The following IQCH variants were observed in gnomAD, a reference collection of about 807,000 sequenced individuals.
IQCH encodes IQ domain-containing protein H.
In IQCH, 98 loss-of-function variants were observed where a neutral mutation model predicts 117.0. The ratio of observed to expected loss-of-function variants is 0.84; its 90% confidence interval spans 0.71 to 0.99. The LOEUF (loss-of-function observed/expected upper bound fraction) is 0.99, where lower values mean the gene tolerates loss of function less well. Among genes scored for constraint, IQCH ranks in the 50% least tolerant of loss-of-function variants. IQCH has a pLI of 0.00. For synonymous variants in IQCH, 412 were observed against 448.2 expected, an observed-to-expected ratio of 0.92 and a Z score of 1.02; for missense variants, 1,102 against 1,243.8, an observed-to-expected ratio of 0.89 and a Z score of 1.72.
intron 16 of IQCH, among the ~76,000 whole-genome samples, chr15:67,437,808 G>A (rs2140957704): frequency 6.6e-6 from 1 of 152,256 alleles, no homozygotes; most frequent in East Asian, 1.9e-4. Flanking sequence ...TTCAGAGCTT[G>A]AAGACAGGTC....
intron 16 of IQCH, among the ~76,000 whole-genome samples, chr15:67,435,248 T>C (rs765516205): frequency 2.0e-4 from 31 of 152,180 alleles, no homozygotes; most frequent in Non-Finnish European, 4.0e-4. Flanking sequence ...TCAGTGATGC[T>C]GAGCACCTTT....
Position 67,395,304 on chromosome 15 carries a change from G to A in IQCH, c.1646G>A (p.Cys549Tyr), listed in dbSNP as rs1971425733. 8.7e-6 allele frequency: 14 copies of A among 1,613,054 alleles called. No homozygotes were observed. Among genetic ancestry groups the A allele is most frequent in the Non-Finnish European group, 1.2e-5 (14 of 1,179,252 alleles). Reference sequence around the variant, plus strand: ...ATCTTCCCCCAGAAGCATCATATGTGCCTGGCCACTCACCTGATGTACAGT... The same window carrying A: ...ATCTTCCCCCAGAAGCATCATATGTACCTGGCCACTCACCTGATGTACAGT... ...AVNIFPKHHM[C>Y]LATHLMYSPK... The change falls in exon 13 of 21, where the codon TGC (cysteine) becomes TAC (tyrosine). Residue 549 changes from cysteine (C) to tyrosine (Y), a missense_variant. Cys to Tyr is a radical substitution (Grantham distance 194). Coordinates refer to ENST00000335894, the MANE Select transcript of IQCH (RefSeq NM_001031715.3). This position sits in a 1 kb window ranked among gnomAD's most constrained non-coding sequence, Gnocchi z 4.0.
rs773668161 is a variant in IQCH at position 67,395,940 on chromosome 15, G to T, written c.1905+377G>T. Among the ~76,000 whole-genome samples the T allele has an allele frequency of 1.3e-5, 2 of 152,022 alleles. No homozygotes were observed. The highest frequency in any genetic ancestry group is 2.9e-5 in the Non-Finnish European group (2 of 68,012). ...CCACCTCAGCCTCCCAAAGTGCTGGGATTACCAGCGTGAGCCACTACGCCC... is the reference window on the plus strand; with the variant it reads ...CCACCTCAGCCTCCCAAAGTGCTGGTATTACCAGCGTGAGCCACTACGCCC... On this transcript the variant is annotated intron_variant, in intron 13 of 20. Transcript: ENST00000335894. This position sits in a 1 kb window ranked among gnomAD's most constrained non-coding sequence, Gnocchi z 4.0.
chr15:67,487,932 G>C (rs1201269067), intron 18 of IQCH, among the ~76,000 whole-genome samples: 1 of 151,652 alleles, frequency 6.6e-6, no homozygotes, highest in Non-Finnish European at 1.5e-5. Flanking sequence ...GGAGAAAACG[G>C]TTACAAGATA....
At position 67,494,135 on chromosome 15, in the gene IQCH, C is replaced by A; in HGVS notation, c.2862-123C>A. On this transcript the variant is annotated intron_variant, in intron 19 of 20. Transcript: ENST00000335894. The surrounding 1 kb of genome is among the most constrained non-coding windows in gnomAD (Gnocchi z 5.5). ...TTTCATATCTCCCTGAAGATTGCCA[C>A]CTTGTGAGATTGAAAATACTCATTA... 1.7e-6 allele frequency: 1 copy of A among 595,920 alleles called. No individual in the cohort carries two copies. Among genetic ancestry groups the A allele is most frequent in the Non-Finnish European group, 2.8e-6 (1 of 355,330 alleles). The allele number at this position is 595,920 out of a possible 1,614,324, so 36.9% of individuals were successfully genotyped here.
chr15:67,474,418 T>C lies in IQCH; in HGVS notation c.2677-1278T>C, dbSNP rs1252143943. On this transcript the variant is annotated intron_variant, in intron 17 of 20. Transcript: ENST00000335894. This position sits in a 1 kb window ranked among gnomAD's most constrained non-coding sequence, Gnocchi z 4.1. Reference sequence around the variant, plus strand: ...GGTTGGCCATGGCCCTATATGCAGTTCTCCAAATTTCCAGCTATCTAGAGA... The same window carrying C: ...GGTTGGCCATGGCCCTATATGCAGTCCTCCAAATTTCCAGCTATCTAGAGA... Among the ~76,000 whole-genome samples the C allele has an allele frequency of 6.6e-6, 1 of 152,074 alleles. No individual in the cohort carries two copies. The highest frequency in any genetic ancestry group is 1.5e-5 in the Non-Finnish European group (1 of 68,010).
chr15:67,392,728 G>A (rs1971327936), intron 12 of IQCH, among the ~76,000 whole-genome samples: 1 of 134,972 alleles, frequency 7.4e-6, no homozygotes, highest in South Asian at 2.3e-4. Context: ...AGGGAGCTGT[G>A]TTTGCACCAC....
intron 4 of IQCH, among the ~76,000 whole-genome samples, chr15:67,304,769 A>G (rs1266511051): frequency 6.6e-6 from 1 of 152,146 alleles, no homozygotes; most frequent in African/African-American, 2.4e-5. Context: ...AATTTTAAAT[A>G]TTGTATTTCT....
In IQCH at chr15:67,425,383, G is replaced by C. The variant is rs1237650088; in HGVS notation, c.2505+3806G>C. Among the ~76,000 whole-genome samples the C allele has an allele frequency of 2.0e-5, 3 of 152,198 alleles. No individual in the cohort carries two copies. The highest frequency in any genetic ancestry group is 4.4e-5 in the Non-Finnish European group (3 of 68,040). On this transcript the variant is annotated intron_variant, in intron 16 of 20. Transcript: ENST00000335894. The surrounding 1 kb of genome is among the most constrained non-coding windows in gnomAD (Gnocchi z 5.5). ...AATCCCAGCACTTTGGGTGGCCGAG[G>C]TGGGTGGATCACGAGGTCAGGAGTT...
At position 67,342,952 on chromosome 15, in the gene IQCH, A is replaced by G; in HGVS notation, c.509-1111A>G. 6.6e-6 allele frequency among the ~76,000 whole-genome samples: 1 copy of G among 152,146 alleles called. No homozygotes were observed. Among genetic ancestry groups the G allele is most frequent in the South Asian group, 2.1e-4 (1 of 4,828 alleles). On this transcript the variant is annotated intron_variant, in intron 5 of 20. Coordinates refer to ENST00000335894, the MANE Select transcript of IQCH (RefSeq NM_001031715.3). This position sits in a 1 kb window ranked among gnomAD's most constrained non-coding sequence, Gnocchi z 4.7. ...CCCAGGCATCTCCGCTTTTAATAAC[A>G]AATTCTTCTCCTAAATGATTCTTCA...
intron 4 of IQCH, among the ~76,000 whole-genome samples, chr15:67,335,676 T>C (rs572236242): frequency 6.6e-6 from 1 of 152,242 alleles, no homozygotes. Context: ...CAGAGTCTCA[T>C]AATAAATAAA....
At position 67,490,061 on chromosome 15, in the gene IQCH, T is replaced by A; in HGVS notation, c.2858T>A (p.Met953Lys). ...YEHLKRHKLG[M>K]LTIGEDLQGV... ...CACCTGAAGAGACACAAGTTGGGAA[T>A]GTTGTGAGTATGAAGTGTATCTGTG... Residue 953 changes from methionine to lysine, a missense_variant, in exon 19 of 21, where the codon ATG becomes AAG. By Grantham distance (95) the Met-to-Lys change is moderately conservative. Coordinates refer to ENST00000335894, the MANE Select transcript of IQCH (RefSeq NM_001031715.3). This position sits in a 1 kb window ranked among gnomAD's most constrained non-coding sequence, Gnocchi z 4.9. The A allele has an allele frequency of 1.9e-6, 3 of 1,606,254 alleles. No homozygotes were observed. The highest frequency in any genetic ancestry group is 1.7e-6 in the Non-Finnish European group (2 of 1,173,868).
intron 16 of IQCH, among the ~76,000 whole-genome samples, chr15:67,439,813 G>A (rs866297758): frequency 1.4e-4 from 21 of 151,176 alleles, no homozygotes; most frequent in Admixed American, 2.6e-4. Context: ...ACTTGAACCC[G>A]GGAGGCAGAG....
Position 67,385,199 on chromosome 15 carries a change from TA to T in IQCH, c.1456+184del, listed in dbSNP as rs1256563156. Among the ~76,000 whole-genome samples, 2 of 152,304 alleles carry T rather than the reference TA, an allele frequency of 1.3e-5. No individual in the cohort carries two copies. The highest frequency in any genetic ancestry group is 1.3e-4 in the Admixed American group (2 of 15,288). On this transcript the variant is annotated intron_variant, in intron 11 of 20. Transcript: ENST00000335894. The surrounding 1 kb of genome is among the most constrained non-coding windows in gnomAD (Gnocchi z 4.6). The stretch of plus-strand genomic sequence containing the variant: ...TTTATTTTAAAAAACATATTTGTAG[TA>T]AAATCAACTTGAATAAAAAATGACA...
intron 6 of IQCH, among the ~76,000 whole-genome samples, chr15:67,355,144 A>T (rs921277169): frequency 6.6e-6 from 1 of 152,186 alleles, no homozygotes; most frequent in Non-Finnish European, 1.5e-5. Context: ...TCTTTGTTGG[A>T]TAAGTATATT....
Position 67,385,101 on chromosome 15 carries a change from G to A in IQCH, c.1456+82G>A. The A allele has an allele frequency of 1.1e-6, 1 of 877,544 alleles. No homozygotes were observed. Among genetic ancestry groups the A allele is most frequent in the Admixed American group, 2.1e-5 (1 of 47,776 alleles). The allele number at this position is 877,544 out of a possible 1,614,324, so 54.4% of individuals were successfully genotyped here. On this transcript the variant is annotated intron_variant, in intron 11 of 20. Coordinates refer to ENST00000335894, the MANE Select transcript of IQCH (RefSeq NM_001031715.3). The surrounding 1 kb of genome is among the most constrained non-coding windows in gnomAD (Gnocchi z 4.6). The stretch of plus-strand genomic sequence containing the variant: ...ATAGAATGTGTTGTTTTGTTTGTTT[G>A]TTTTTTGCTTATTTTTTTCCTCTAC...
intron 3 of IQCH, among the ~76,000 whole-genome samples, chr15:67,265,281 A>G (rs1438972073): frequency 6.6e-6 from 1 of 152,258 alleles, no homozygotes; most frequent in African/African-American, 2.4e-5. Flanking sequence ...CTCTTTTGCC[A>G]AGGAGTGCCT....
In IQCH at chr15:67,279,467, C is replaced by A; in HGVS notation, c.342C>A (p.Pro114=). 6.2e-7 allele frequency: 1 copy of A among 1,609,950 alleles called. No homozygotes were observed. The highest frequency in any genetic ancestry group is 1.1e-5 in the South Asian group (1 of 90,644). The part of the protein sequence containing the change: ...PQESEGTFWQ[P]QRQHSSSLPV... ...AATCTGAGGGTACATTTTGGCAACC[C>A]CAAAGACAGCACAGTTCATCTCTGC... The change falls in exon 4 of 21, where the codon CCC becomes CCA. Residue 114 remains proline, a synonymous_variant. Coordinates refer to ENST00000335894, the MANE Select transcript of IQCH (RefSeq NM_001031715.3).
intron 4 of IQCH, among the ~76,000 whole-genome samples, chr15:67,333,858 A>T (rs1313280215): frequency 6.6e-6 from 1 of 152,126 alleles, no homozygotes; most frequent in East Asian, 1.9e-4. Flanking sequence ...GGAGTTCAAG[A>T]CTAGCCTGGG....
Sources: allele counts gnomAD v4.1 joint callset (sites outside exome capture counted in the v4.1 genomes callset), GRCh38; gene constraint gnomAD v4.1.1; non-coding constraint Gnocchi (gnomAD v3.1); transcripts MANE v1.5; gene names NCBI Gene and HGNC (gene_info 2026-07-23, HGNC 2026-07-21).